The following FAT3 variants were observed in gnomAD, a reference collection of about 807,000 sequenced individuals.
The protein encoded by FAT3 is FAT atypical cadherin 3, also known as protocadherin Fat 3.
In FAT3, 95 loss-of-function variants were observed where a neutral mutation model predicts 310.2. That is an observed-to-expected ratio of 0.31 (90% CI 0.26 to 0.36). FAT3 has a LOEUF of 0.36. FAT3 is among the 10% of genes least tolerant of loss of function. FAT3 has a pLI of 1.00. For synonymous variants in FAT3, 2,314 were observed against 2,192.9 expected, an observed-to-expected ratio of 1.06 and a Z score of -1.54; for missense variants, 5,408 against 5,715.6, an observed-to-expected ratio of 0.95 and a Z score of 1.74.
intron 3 of FAT3, among the ~76,000 whole-genome samples, chr11:92,597,043 A>G (rs138943935): frequency 0.011 from 1,681 of 152,174 alleles, 21 homozygotes; most frequent in Middle Eastern, 0.037. Flanking sequence ...ATTCTCCTTC[A>G]TGTACTAATG....
At chr11:92,457,776 GC>G (rs1338599843) in intron 2 of FAT3, among the ~76,000 whole-genome samples, 1 of 152,002 alleles carries the variant, frequency 6.6e-6, no homozygotes, top group African/African-American at 2.4e-5. Context: ...ACAAAAATTA[GC>G]CCGGTACGGT....
intron 1 of FAT3, among the ~76,000 whole-genome samples, chr11:92,327,608 A>G (rs1454786190): frequency 6.6e-6 from 1 of 152,172 alleles, no homozygotes; most frequent in Non-Finnish European, 1.5e-5. Flanking sequence ...TATCTTTCCC[A>G]TTGCTTGTGG....
At chr11:92,431,168 A>T (rs1950763336) in intron 2 of FAT3, among the ~76,000 whole-genome samples, 1 of 152,192 alleles carries the variant, frequency 6.6e-6, no homozygotes, top group African/African-American at 2.4e-5. Flanking sequence ...CCTCTCCAGC[A>T]CCTGTTGTTT....
intron 3 of FAT3, among the ~76,000 whole-genome samples, chr11:92,650,757 G>C (rs1003274656): frequency 2.0e-5 from 3 of 152,172 alleles, no homozygotes; most frequent in African/African-American, 7.2e-5. Flanking sequence ...GCTAGTTCTG[G>C]AGATCATTAC....
At chr11:92,271,302 C>T (rs1424877793) in intron 1 of FAT3, among the ~76,000 whole-genome samples, 1 of 152,080 alleles carries the variant, frequency 6.6e-6, no homozygotes, top group East Asian at 1.9e-4. Context: ...CTGGCCTTCC[C>T]TCTGGACCTT....
At chr11:92,537,811 A>G (rs1191208826) in intron 3 of FAT3, among the ~76,000 whole-genome samples, 1 of 152,124 alleles carries the variant, frequency 6.6e-6, no homozygotes, top group African/African-American at 2.4e-5. Flanking sequence ...ATCTTAACAG[A>G]CTCTAACTGG....
chr11:92,435,794 C>A (rs1263417880), intron 2 of FAT3, among the ~76,000 whole-genome samples: 1 of 151,858 alleles, frequency 6.6e-6, no homozygotes, highest in Non-Finnish European at 1.5e-5. Flanking sequence ...CTTGAACTCC[C>A]AACCTCAGGT....
At chr11:92,848,955 T>C (rs934233385) in intron 19 of FAT3, among the ~76,000 whole-genome samples, 1 of 152,236 alleles carries the variant, frequency 6.6e-6, no homozygotes, top group Non-Finnish European at 1.5e-5. Flanking sequence ...TAAGAACTGG[T>C]GTGCAATTCA....
At chr11:92,579,218 G>T (rs1938653522) in intron 3 of FAT3, among the ~76,000 whole-genome samples, 1 of 152,054 alleles carries the variant, frequency 6.6e-6, no homozygotes, top group African/African-American at 2.4e-5. Flanking sequence ...AATGATTCAA[G>T]AATTAGGAAG....
rs193219254 is a variant in FAT3 at position 92,779,946 on chromosome 11, G to C, written c.4335+5766G>C. Among the ~76,000 whole-genome samples the C allele has an allele frequency of 3.3e-5, 5 of 152,182 alleles. No individual in the cohort carries two copies. The East Asian group carries it at 9.7e-4, about 30-fold the overall frequency. On this transcript the variant is annotated intron_variant, in intron 7 of 27. Coordinates refer to ENST00000525166, the MANE Select transcript of FAT3 (RefSeq NM_001367949.2). ...CTTAAGGAGCTGAGAGAGACTCCCAGCTGACAGCCAGCAGGGAAACCAGGG... is the reference window on the plus strand; with the variant it reads ...CTTAAGGAGCTGAGAGAGACTCCCACCTGACAGCCAGCAGGGAAACCAGGG...
At chr11:92,396,482 C>A (rs1380857177) in intron 2 of FAT3, among the ~76,000 whole-genome samples, 1 of 152,090 alleles carries the variant, frequency 6.6e-6, no homozygotes, top group Non-Finnish European at 1.5e-5. Flanking sequence ...TGGATAAAAT[C>A]ATGGAGTGGT....
At chr11:92,845,223 A>C (rs1948656882) in intron 19 of FAT3, among the ~76,000 whole-genome samples, 1 of 152,264 alleles carries the variant, frequency 6.6e-6, no homozygotes, top group South Asian at 2.1e-4. Flanking sequence ...CAGTCATCAC[A>C]CAAGGGCCAT....
intron 25 of FAT3, among the ~76,000 whole-genome samples, chr11:92,887,840 A>G (rs1369073967): frequency 1.3e-5 from 2 of 152,216 alleles, no homozygotes; most frequent in East Asian, 1.9e-4. Context: ...AGGAACAGTC[A>G]TAAAACAGTG....
At chr11:92,807,790 TAAA>T (rs1239054885) in intron 12 of FAT3, among the ~76,000 whole-genome samples, 2 of 152,242 alleles carry the variant, frequency 1.3e-5, no homozygotes, top group Admixed American at 1.3e-4. Flanking sequence ...TTATGTAAGC[TAAA>T]GGCAGATGCC....
chr11:92,763,026 G>A (rs143511256), intron 5 of FAT3, among the ~76,000 whole-genome samples: 5,558 of 152,102 alleles, frequency 0.037, 240 homozygotes, highest in East Asian at 0.21. Flanking sequence ...GGGCATGGTG[G>A]TGTGTGCCTG....
intron 9 of FAT3, among the ~76,000 whole-genome samples, chr11:92,794,581 G>T (rs1001520025): frequency 1.3e-5 from 2 of 152,116 alleles, no homozygotes; most frequent in Non-Finnish European, 2.9e-5. Context: ...CCATCCAACC[G>T]AAAAGACTGC....
At chr11:92,263,209 C>T (rs1317077796) in intron 1 of FAT3, among the ~76,000 whole-genome samples, 1 of 151,718 alleles carries the variant, frequency 6.6e-6, no homozygotes, top group East Asian at 1.9e-4. Context: ...GTCGACAATT[C>T]TAGGCATTCT....
intron 2 of FAT3, among the ~76,000 whole-genome samples, chr11:92,454,380 A>G (rs1393501107): frequency 6.6e-6 from 1 of 152,202 alleles, no homozygotes; most frequent in Non-Finnish European, 1.5e-5. Flanking sequence ...CCACGAGTAT[A>G]GTGCAACCAG....
At chr11:92,392,434 G>T (rs564567568) in intron 2 of FAT3, among the ~76,000 whole-genome samples, 1 of 152,108 alleles carries the variant, frequency 6.6e-6, no homozygotes, top group Admixed American at 6.6e-5. Context: ...TCACTCTAAA[G>T]CTGCTCCCTC....
Sources: gnomAD v4.1 joint callset for allele counts (sites outside exome capture counted in the v4.1 genomes callset) on GRCh38, gnomAD v4.1.1 for gene constraint, MANE v1.5 for transcripts, NCBI Gene and HGNC (gene_info 2026-07-23, HGNC 2026-07-21) for gene names.